RIMS2: variants seen among roughly 807,000 people sequenced by gnomAD.
RIMS2 encodes the protein regulating synaptic membrane exocytosis protein 2.
A neutral mutation model predicts 174.4 loss-of-function variants in RIMS2; 59 were observed. The observed-to-expected ratio is 0.34, with a 90% CI of 0.27 to 0.42. The LOEUF (loss-of-function observed/expected upper bound fraction) is 0.42. Ranked by LOEUF, RIMS2 falls within the 10% of genes least tolerant of loss-of-function variation. The probability of loss-of-function intolerance (pLI) is 1.00; values close to 1 mark genes in which losing one functional copy is unlikely to be tolerated. For synonymous variants in RIMS2, 606 were observed against 572.5 expected (o/e 1.06, Z -0.84); for missense variants, 1,620 against 1,666.3 (o/e 0.97, Z 0.48).
intron 3 of RIMS2, among the ~76,000 whole-genome samples, chr8:103,865,284 CTTTT>C (rs67300843): frequency 8.4e-6 from 1 of 119,732 alleles, no homozygotes. Flanking sequence ...CAGTTTTTTT[CTTTT>C]TTTTTTTTTT....
chr8:104,028,092 G>A (rs1357759344), intron 19 of RIMS2, among the ~76,000 whole-genome samples: 2 of 151,312 alleles, frequency 1.3e-5, no homozygotes, highest in East Asian at 3.9e-4. Flanking sequence ...ACTATGCCTG[G>A]CTAATTTTTA....
At chr8:104,120,012 T>C (rs2098346534) in intron 19 of RIMS2, among the ~76,000 whole-genome samples, 1 of 152,214 alleles carries the variant, frequency 6.6e-6, no homozygotes. Context: ...TTAGCATATT[T>C]CCTTATGCTA....
At chr8:103,941,155 A>G (rs1012646075) in intron 13 of RIMS2, among the ~76,000 whole-genome samples, 2 of 152,172 alleles carry the variant, frequency 1.3e-5, no homozygotes, top group Admixed American at 6.5e-5. Context: ...CACAGTACCT[A>G]TAATTTTGAA....
intron 17 of RIMS2, among the ~76,000 whole-genome samples, chr8:104,012,242 G>T (rs928443380): frequency 6.6e-6 from 1 of 151,766 alleles, no homozygotes; most frequent in Non-Finnish European, 1.5e-5. Flanking sequence ...CACAAGATAT[G>T]GTGTAGAATA....
intron 19 of RIMS2, among the ~76,000 whole-genome samples, chr8:104,015,702 G>T (rs1014901399): frequency 1.2e-4 from 18 of 152,054 alleles, no homozygotes; most frequent in Middle Eastern, 3.4e-3. Flanking sequence ...TAAATGACCA[G>T]ATAAAATGTG....
At chr8:104,091,465 A>T (rs1186487454) in intron 19 of RIMS2, among the ~76,000 whole-genome samples, 5 of 151,410 alleles carry the variant, frequency 3.3e-5, no homozygotes, top group African/African-American at 1.2e-4. Flanking sequence ...TAGCTTTGAA[A>T]AATTTCTTAA....
At chr8:104,174,804 C>T (rs982558595) in intron 19 of RIMS2, among the ~76,000 whole-genome samples, 2 of 152,206 alleles carry the variant, frequency 1.3e-5, no homozygotes, top group African/African-American at 4.8e-5. Flanking sequence ...ATATTCTCCA[C>T]TTTCTGTTCT....
At chr8:104,248,901 C>CTCTCTCTCTT in intron 21 of RIMS2, 88 bp downstream of exon 27, 1 of 680,544 alleles carries the variant, frequency 1.5e-6, no homozygotes, top group Non-Finnish European at 2.6e-6. Flanking sequence ...TTCTCTCTCT[C>CTCTCTCTCTT]TCTCTCTCTC....
chr8:104,249,877 A>AC (rs2099353449), intron 22 of RIMS2, among the ~76,000 whole-genome samples: 1 of 152,220 alleles, frequency 6.6e-6, no homozygotes, highest in African/African-American at 2.4e-5. Context: ...CACCATGTAC[A>AC]CAAGGAGTTC....
intron 19 of RIMS2, among the ~76,000 whole-genome samples, chr8:104,167,257 G>C (rs1219460258): frequency 2.0e-5 from 3 of 152,082 alleles, no homozygotes; most frequent in Admixed American, 2.0e-4. Context: ...CAGAGTTTCT[G>C]TTTCTTCCTG....
chr8:103,697,186 G>A (rs751365673), exon 2 of RIMS2: 1 of 1,613,576 alleles, frequency 6.2e-7, no homozygotes, highest in Non-Finnish European at 8.5e-7. Context: ...GCCAACCTGT[G>A]GTATCTGCCA....
chr8:103,661,533 T>C (rs1230947317), intron 1 of RIMS2, among the ~76,000 whole-genome samples: 1 of 152,148 alleles, frequency 6.6e-6, no homozygotes, highest in Non-Finnish European at 1.5e-5. Context: ...AGACAGAGTC[T>C]CGCTCTGTCA....
intron 13 of RIMS2, among the ~76,000 whole-genome samples, chr8:103,939,974 T>G (rs6981288): frequency 0.13 from 19,316 of 152,196 alleles, 1,692 homozygotes; most frequent in Non-Finnish European, 0.19. Flanking sequence ...TTGGGCAAAG[T>G]CATTCAACAA....
chr8:103,910,806 C>T (rs1305263940), intron 5 of RIMS2, among the ~76,000 whole-genome samples: 2 of 151,996 alleles, frequency 1.3e-5, no homozygotes, highest in African/African-American at 4.8e-5. Context: ...TGTCTTTTGT[C>T]GCATGAGAGA....
chr8:104,050,959 T>C (rs1320242923), intron 19 of RIMS2, among the ~76,000 whole-genome samples: 2 of 152,138 alleles, frequency 1.3e-5, no homozygotes, highest in Non-Finnish European at 2.9e-5. Context: ...AAATTGGCCA[T>C]GCGTGGTAGT....
chr8:103,603,959 T>A (rs879693481), intron 1 of RIMS2, among the ~76,000 whole-genome samples: 5 of 148,262 alleles, frequency 3.4e-5, no homozygotes, highest in Non-Finnish European at 7.5e-5. Flanking sequence ...GCCTGTTCAC[T>A]CTGATGGTAG....
intron 1 of RIMS2, among the ~76,000 whole-genome samples, chr8:103,600,110 CA>C (rs1045625286): frequency 2.0e-5 from 3 of 152,120 alleles, no homozygotes; most frequent in Non-Finnish European, 4.4e-5. Context: ...TTACTTCCCA[CA>C]AATTTTTACA....
chr8:103,590,512 A>G (rs532683214), intron 1 of RIMS2, among the ~76,000 whole-genome samples: 1 of 151,194 alleles, frequency 6.6e-6, no homozygotes, highest in African/African-American at 2.4e-5. Context: ...TTTTTTTCCA[A>G]CAACTTACCA....
chr8:103,951,539 C>A (rs1342963945), intron 14 of RIMS2, among the ~76,000 whole-genome samples: 1 of 152,144 alleles, frequency 6.6e-6, no homozygotes, highest in Non-Finnish European at 1.5e-5. Flanking sequence ...CCAAGGGAAC[C>A]CATTAGGGAC....
Sources: allele counts gnomAD v4.1 joint callset (sites outside exome capture counted in the v4.1 genomes callset), GRCh38; gene constraint gnomAD v4.1.1; transcripts MANE v1.5; gene names NCBI Gene and HGNC (gene_info 2026-07-23, HGNC 2026-07-21).